POF1B: variants seen among roughly 807,000 people sequenced by gnomAD.
POF1B encodes the protein POF1B actin binding protein, also known as protein POF1B.
Under a neutral mutation model 55.3 loss-of-function variants are expected in POF1B, and 53 were observed. That is an observed-to-expected ratio of 0.96 (90% CI 0.77 to 1.20). POF1B has a LOEUF of 1.20. Among genes scored for constraint, POF1B ranks in the 50% most tolerant of loss-of-function variants. POF1B has a pLI of 0.00. For missense variants in POF1B, 478 were observed against 420.5 expected (o/e 1.14, Z -1.20); for synonymous variants, 188 against 148.3 (o/e 1.27, Z -1.95).
chrX:85,330,050 T>C (rs1393981819), intron 7 of POF1B, among the ~76,000 whole-genome samples: 1 of 109,801 alleles, frequency 9.1e-6, no homozygotes, highest in Non-Finnish European at 1.9e-5. Context: ...CTATTGACTT[T>C]CCTTTATCTT....
rs746571809 is a variant in POF1B, at chrX:85,278,720, T to C, written c.*701A>G. 9.0e-6 allele frequency: 1 copy of C among 110,980 alleles called. No individual in the cohort carries two copies. The highest frequency in any genetic ancestry group is 3.3e-5 in the African/African-American group (1 of 30,679). 9.1% of individuals were successfully genotyped at this position (110,980 alleles called of 1,213,427 possible). ...TAGGTAGGCTCATTTGGGGAAGGTA[T>C]GCTTTGAAAGAACAGATTTGCCAAG... is the stretch of plus-strand genomic sequence containing the variant. On this transcript the variant is annotated 3_prime_UTR_variant, in exon 17 of 17. Transcript: ENST00000262753.
intron 7 of POF1B, among the ~76,000 whole-genome samples, chrX:85,316,061 T>C (rs1932784866): frequency 9.0e-6 from 1 of 111,357 alleles, no homozygotes; most frequent in Non-Finnish European, 1.9e-5. Context: ...TAAATGCTTC[T>C]TGGGTGAATG....
chrX:85,372,049 G>A (rs1933831107), intron 2 of POF1B, among the ~76,000 whole-genome samples: 1 of 111,717 alleles, frequency 9.0e-6, no homozygotes, highest in African/African-American at 3.3e-5. Flanking sequence ...AGAGTCTGGT[G>A]AAAAAGAATT....
intron 3 of POF1B, among the ~76,000 whole-genome samples, chrX:85,361,113 G>A (rs773374253): frequency 9.0e-6 from 1 of 111,682 alleles, no homozygotes; most frequent in Admixed American, 9.5e-5. Context: ...GTTCCTTATA[G>A]ATGCTGGATA....
At chrX:85,302,950 G>A (rs138726335) in intron 15 of POF1B, among the ~76,000 whole-genome samples, 9 of 111,558 alleles carry the variant, frequency 8.1e-5, no homozygotes, top group East Asian at 2.8e-4. Context: ...TATTGCTACC[G>A]TGAGGGTAGA....
At chrX:85,376,043 T>C (rs1933914782) in intron 2 of POF1B, among the ~76,000 whole-genome samples, 1 of 111,660 alleles carries the variant, frequency 9.0e-6, no homozygotes, top group Admixed American at 9.5e-5. Flanking sequence ...AAATGAACTC[T>C]CCCTGGACAG....
intron 12 of POF1B, 110 bp from the exon 13 acceptor site, chrX:85,306,020 A>G: frequency 9.9e-7 from 1 of 1,011,493 alleles, no homozygotes; most frequent in Non-Finnish European, 1.3e-6. Flanking sequence ...AAGACATTGA[A>G]ATAATGAAAG....
At chrX:85,283,902 T>C (rs1313029464) in intron 15 of POF1B, among the ~76,000 whole-genome samples, 2 of 111,480 alleles carry the variant, frequency 1.8e-5, no homozygotes, top group Non-Finnish European at 3.8e-5. Context: ...ATTGTTAAAG[T>C]ACTTTTTTAA....
Position 85,379,417 on chromosome X carries a change from C to A in POF1B, c.38G>T (p.Ser13Ile). Residue 13 changes from serine to isoleucine, a missense_variant, in exon 2 of 17, where the codon AGC becomes ATC. Coordinates refer to ENST00000262753, the MANE Select transcript of POF1B (RefSeq NM_024921.4). ...SSYWSETSSS[S>I]CGTQQLPEVL... ...CTCTGGGAGCTGCTGGGTTCCACAG[C>A]TGCTGCTGCTCGTCTCACTCCAATA... 2 of 1,209,180 alleles carry A rather than the reference C, an allele frequency of 1.7e-6. No homozygotes were observed. Among genetic ancestry groups the A allele is most frequent in the Non-Finnish European group, 2.2e-6 (2 of 894,765 alleles).
At chrX:85,378,726 G>A (rs1347977090) in intron 2 of POF1B, among the ~76,000 whole-genome samples, 1 of 112,024 alleles carries the variant, frequency 8.9e-6, no homozygotes, top group East Asian at 2.8e-4. Flanking sequence ...TATTTGCTGA[G>A]CACAAATAAT....
chrX:85,351,826 A>G (rs757434317), intron 4 of POF1B, among the ~76,000 whole-genome samples: 5 of 111,076 alleles, frequency 4.5e-5, no homozygotes, highest in Non-Finnish European at 9.5e-5. Context: ...ATTTCTTTCT[A>G]TGCAAAAATA....
intron 6 of POF1B, among the ~76,000 whole-genome samples, chrX:85,342,876 A>G (rs767480633): frequency 9.0e-6 from 1 of 111,628 alleles, no homozygotes; most frequent in South Asian, 3.7e-4. Flanking sequence ...GATCTGCACA[A>G]GCAGGTTACC....
intron 2 of POF1B, 106 bp downstream of exon 2, chrX:85,379,067 C>T (rs1388183496): frequency 3.2e-6 from 3 of 943,341 alleles, no homozygotes; most frequent in Non-Finnish European, 2.9e-6. Flanking sequence ...AACTGCAATC[C>T]ACCAAAAGAT....
rs776531716 is a variant in POF1B, at chrX:85,286,802, G to A, written c.1650-4485C>T. Among the ~76,000 whole-genome samples the A allele has an allele frequency of 5.4e-5, 6 of 111,264 alleles. No homozygotes were observed. The East Asian group carries it at 1.7e-3, about 32-fold the overall frequency. ...AAACATAACAATCCTAAATGTTTAT[G>A]TACCCTCCCAGCAGAAATTCAAAAT... On this transcript the variant is annotated intron_variant, in intron 15 of 16. Coordinates refer to ENST00000262753, the MANE Select transcript of POF1B (RefSeq NM_024921.4).
intron 7 of POF1B, among the ~76,000 whole-genome samples, chrX:85,316,211 C>T (rs1392245208): frequency 3.6e-5 from 4 of 111,668 alleles, no homozygotes; most frequent in African/African-American, 1.3e-4. Context: ...GCAAGACAAG[C>T]CTGAATAACT....
chrX:85,314,389 T>C (rs1259882972), intron 9 of POF1B, 43 bp downstream of exon 9: 1 of 1,037,195 alleles, frequency 9.6e-7, no homozygotes, highest in Non-Finnish European at 1.3e-6. Flanking sequence ...GGAAGCTGTT[T>C]GTTAGTGTTG....
At position 85,305,815 on chromosome X, in the gene POF1B, T is replaced by C. The variant is rs756135962; in HGVS notation, c.1413A>G (p.Lys471=). ...CCCTCAGTCTGCAGATCTCTCTATCTTTCTCCATTCTCAAGTTTTTTACCA... is the reference window on the plus strand; with the variant it reads ...CCCTCAGTCTGCAGATCTCTCTATCCTTCTCCATTCTCAAGTTTTTTACCA... ...TEMVKNLRME[K]DREICRLRSQ... Residue 471 remains lysine, a synonymous_variant, in exon 13 of 17, where the codon AAA becomes AAG. Transcript: ENST00000262753. 2.5e-6 allele frequency: 3 copies of C among 1,208,007 alleles called. No individual in the cohort carries two copies. The highest frequency in any genetic ancestry group is 3.5e-5 in the African/African-American group (2 of 57,029).
At chrX:85,340,676 G>A (rs1263672187) in intron 6 of POF1B, among the ~76,000 whole-genome samples, 2 of 110,766 alleles carry the variant, frequency 1.8e-5, no homozygotes, top group Non-Finnish European at 3.8e-5. Context: ...AGGAAGTGGA[G>A]AGAAGATTGT....
chrX:85,320,861 C>A (rs780688163), intron 7 of POF1B, among the ~76,000 whole-genome samples: 1 of 110,248 alleles, frequency 9.1e-6, no homozygotes, highest in Non-Finnish European at 1.9e-5. Flanking sequence ...ATAAATTCCT[C>A]GACACATACA....
Sources: gnomAD v4.1 joint callset for allele counts (sites outside exome capture counted in the v4.1 genomes callset) on GRCh38, gnomAD v4.1.1 for gene constraint, MANE v1.5 for transcripts, NCBI Gene and HGNC (gene_info 2026-07-23, HGNC 2026-07-21) for gene names.